ENTREP2: variants seen among roughly 807,000 people sequenced by gnomAD.
The protein encoded by ENTREP2 is endosomal transmembrane epsin interactor 2.
chr15:29,404,547 C>T, the ENTREP2 span, among the ~76,000 whole-genome samples: 3 of 151,928 alleles, frequency 2.0e-5, no homozygotes, highest in African/African-American at 4.8e-5. Context: ...CTGCCTTGGC[C>T]GCCCCCTTGC....
At chr15:29,172,953 AC>A in the ENTREP2 span, among the ~76,000 whole-genome samples, 1 of 151,982 alleles carries the variant, frequency 6.6e-6, no homozygotes, top group African/African-American at 2.4e-5. Flanking sequence ...CGGGAGGCCC[AC>A]CAGTGATAAA....
chr15:29,561,915 A>G, the ENTREP2 span, among the ~76,000 whole-genome samples: 1 of 152,186 alleles, frequency 6.6e-6, no homozygotes, highest in East Asian at 1.9e-4. Context: ...ATTTAAAATG[A>G]TAACACCTGG....
chr15:29,577,313 G>GGT, the ENTREP2 span, among the ~76,000 whole-genome samples: 4,305 of 139,864 alleles, frequency 0.031, 74 homozygotes, highest in Non-Finnish European at 0.037. Context: ...GACTCAAAGA[G>GGT]GTGTGTGTGT....
At chr15:29,588,721 G>A in the ENTREP2 span, among the ~76,000 whole-genome samples, 65 of 152,120 alleles carry the variant, frequency 4.3e-4, no homozygotes, top group East Asian at 5.1e-3. Flanking sequence ...ACTATAGGCC[G>A]GGGCTGTGAC....
chr15:29,623,856 C>T, the ENTREP2 span, among the ~76,000 whole-genome samples: 76 of 152,272 alleles, frequency 5.0e-4, no homozygotes, highest in African/African-American at 1.8e-3. Context: ...CTGCCTCAGC[C>T]TCCCAAGTAG....
the ENTREP2 span, among the ~76,000 whole-genome samples, chr15:29,323,243 C>T: frequency 6.6e-6 from 1 of 152,236 alleles, no homozygotes; most frequent in African/African-American, 2.4e-5. Context: ...ACTTTCAGCC[C>T]AATCCCCCAA....
chr15:29,487,702 G>A, the ENTREP2 span, among the ~76,000 whole-genome samples: 1 of 152,156 alleles, frequency 6.6e-6, no homozygotes, highest in Non-Finnish European at 1.5e-5. Context: ...GCGTTTGTTC[G>A]TTTGTTTTGA....
chr15:29,149,864 G>C, the ENTREP2 span, among the ~76,000 whole-genome samples: 97 of 152,330 alleles, frequency 6.4e-4, 2 homozygotes, highest in South Asian at 0.019. Flanking sequence ...CGGAAAGGAT[G>C]TGCTGGCAGG....
At chr15:29,127,505 CTG>C in the ENTREP2 span, among the ~76,000 whole-genome samples, 1 of 152,202 alleles carries the variant, frequency 6.6e-6, no homozygotes, top group Admixed American at 6.5e-5. Context: ...TCCTGTCCGT[CTG>C]TGAGGCAGCC....
chr15:29,497,339 G>A, the ENTREP2 span, among the ~76,000 whole-genome samples: 1 of 152,242 alleles, frequency 6.6e-6, no homozygotes, highest in South Asian at 2.1e-4. Context: ...GAGAAGCACT[G>A]GTATTAATTC....
At chr15:29,462,142 A>ATTCTTCCATCAATGGACGCTTGGGT in the ENTREP2 span, among the ~76,000 whole-genome samples, 1 of 152,170 alleles carries the variant, frequency 6.6e-6, no homozygotes, top group Admixed American at 6.6e-5. Context: ...CTGTTTACCC[A>ATTCTTCCATCAATGGACGCTTGGGT]TTCTTCCATC....
At chr15:29,160,781 A>G in the ENTREP2 span, among the ~76,000 whole-genome samples, 1 of 151,586 alleles carries the variant, frequency 6.6e-6, no homozygotes, top group African/African-American at 2.4e-5. Flanking sequence ...AGGACAAACT[A>G]TCTTACATTT....
chr15:29,209,018 G>A, the ENTREP2 span, among the ~76,000 whole-genome samples: 3 of 152,178 alleles, frequency 2.0e-5, no homozygotes, highest in African/African-American at 4.8e-5. Context: ...TGCCCATGAG[G>A]AGTGTGGTAT....
the ENTREP2 span, among the ~76,000 whole-genome samples, chr15:29,423,909 C>T: frequency 6.6e-6 from 1 of 152,174 alleles, no homozygotes; most frequent in African/African-American, 2.4e-5. Flanking sequence ...TACATTCAGA[C>T]TATCTCAATG....
the ENTREP2 span, among the ~76,000 whole-genome samples, chr15:29,216,760 T>C: frequency 6.6e-6 from 1 of 152,150 alleles, no homozygotes; most frequent in Admixed American, 6.5e-5. Flanking sequence ...TAACAAATAC[T>C]CAATGTAGAC....
At chr15:29,372,014 T>C in the ENTREP2 span, among the ~76,000 whole-genome samples, 2 of 152,188 alleles carry the variant, frequency 1.3e-5, no homozygotes, top group Non-Finnish European at 2.9e-5. Flanking sequence ...AACTATCCAA[T>C]AGACGAATAA....
chr15:29,319,335 C>T, the ENTREP2 span, among the ~76,000 whole-genome samples: 5 of 152,206 alleles, frequency 3.3e-5, no homozygotes, highest in African/African-American at 1.2e-4. Context: ...ACAAGAAGCT[C>T]AGACAGCCCC....
the ENTREP2 span, among the ~76,000 whole-genome samples, chr15:29,592,748 T>C: frequency 6.6e-6 from 1 of 152,126 alleles, no homozygotes; most frequent in Non-Finnish European, 1.5e-5. Flanking sequence ...CCCTCATGAA[T>C]AGATTAATGC....
chr15:29,419,804 C>T, the ENTREP2 span, among the ~76,000 whole-genome samples: 1 of 151,954 alleles, frequency 6.6e-6, no homozygotes, highest in South Asian at 2.1e-4. Context: ...GAAGTAGCTG[C>T]CAACCTAGAA....
Sources: allele counts gnomAD v4.1 joint callset (sites outside exome capture counted in the v4.1 genomes callset), GRCh38; gene constraint gnomAD v4.1.1; transcripts MANE v1.5; gene names NCBI Gene and HGNC (gene_info 2026-07-23, HGNC 2026-07-21).